The following RSU1 variants were observed in gnomAD, a reference collection of about 807,000 sequenced individuals.
RSU1 encodes Ras suppressor protein 1.
RSU1 carries 26 observed loss-of-function variants against 31.1 expected under a neutral mutation model. The observed-to-expected ratio is 0.84, with a 90% CI of 0.61 to 1.16. The LOEUF (loss-of-function observed/expected upper bound fraction) is 1.16, where lower values mean the gene tolerates loss of function less well. Among genes scored for constraint, RSU1 ranks in the 50% most tolerant of loss-of-function variants. The probability of loss-of-function intolerance (pLI) is 0.00; values close to 1 mark genes in which losing one functional copy is unlikely to be tolerated. For missense variants in RSU1, 320 were observed against 339.1 expected (o/e 0.94, Z 0.44); for synonymous variants, 164 against 136.3 (o/e 1.20, Z -1.41).
intron 2 of RSU1, among the ~76,000 whole-genome samples, chr10:16,811,259 G>T (rs1227509174): frequency 6.6e-6 from 1 of 152,174 alleles, no homozygotes; most frequent in African/African-American, 2.4e-5. Flanking sequence ...CCATCTGGGT[G>T]TGTGTAGGGA....
rs1355003076 is a variant in RSU1, at chr10:16,668,360, G to A, written c.731+26663C>T. On this transcript the variant is annotated intron_variant, in intron 8 of 8. Coordinates refer to ENST00000345264, the MANE Select transcript of RSU1 (RefSeq NM_012425.4). ...GGAAATTAACTGTGCAATGAAGGAC[G>A]ATGAGTATTGTATAGAAGACACGTT... Among the ~76,000 whole-genome samples, 4 of 152,300 alleles carry A rather than the reference G, an allele frequency of 2.6e-5. No homozygotes were observed. In the South Asian group the frequency reaches 6.2e-4, roughly 24 times the overall value.
chr10:16,608,804 A>G (rs1331879492), intron 8 of RSU1, among the ~76,000 whole-genome samples: 2 of 152,082 alleles, frequency 1.3e-5, no homozygotes, highest in Non-Finnish European at 2.9e-5. Context: ...AAATACTTGT[A>G]GCCCTGGGTA....
intron 8 of RSU1, among the ~76,000 whole-genome samples, chr10:16,672,188 T>C (rs866832408): frequency 3.3e-5 from 5 of 149,544 alleles, no homozygotes; most frequent in South Asian, 2.1e-4. Flanking sequence ...CGGGTGCCTG[T>C]AGTCCCAGCT....
chr10:16,797,187 A>C (rs1838055953), intron 2 of RSU1, among the ~76,000 whole-genome samples: 1 of 152,148 alleles, frequency 6.6e-6, no homozygotes, highest in African/African-American at 2.4e-5. Context: ...AAGCTGGATA[A>C]GACAGAAATA....
chr10:16,697,898 C>A (rs146268747), intron 7 of RSU1, among the ~76,000 whole-genome samples: 1 of 148,732 alleles, frequency 6.7e-6, no homozygotes, highest in Non-Finnish European at 1.5e-5. Flanking sequence ...GAATTTTACT[C>A]TGTTGAAGAA....
intron 7 of RSU1, among the ~76,000 whole-genome samples, chr10:16,724,536 G>C (rs1836344069): frequency 6.6e-6 from 1 of 152,226 alleles, no homozygotes; most frequent in African/African-American, 2.4e-5. Context: ...GCTAAGATCT[G>C]AGTGAGAACA....
At chr10:16,627,442 T>C (rs1444590424) in intron 8 of RSU1, among the ~76,000 whole-genome samples, 1 of 152,104 alleles carries the variant, frequency 6.6e-6, no homozygotes, top group Non-Finnish European at 1.5e-5. Context: ...ATCTTTCTCA[T>C]AGAGTGAAGA....
intron 8 of RSU1, 46 bp from the exon 9 acceptor site, chr10:16,593,542 C>A (rs753676643): frequency 2.8e-6 from 4 of 1,442,458 alleles, no homozygotes; most frequent in East Asian, 4.5e-5. Flanking sequence ...TTTGCCAACA[C>A]AAGATAGCTT....
intron 3 of RSU1, among the ~76,000 whole-genome samples, chr10:16,780,891 C>T (rs1837634927): frequency 6.6e-6 from 1 of 152,214 alleles, no homozygotes; most frequent in Non-Finnish European, 1.5e-5. Flanking sequence ...AGTGTGACAA[C>T]TGTGCCGTCA....
At chr10:16,804,038 C>T (rs1178245847) in intron 2 of RSU1, among the ~76,000 whole-genome samples, 1 of 151,952 alleles carries the variant, frequency 6.6e-6, no homozygotes, top group Admixed American at 6.6e-5. Context: ...GAATGAAAGA[C>T]CAGCGCCAAC....
At chr10:16,757,132 C>T (rs1463571788) in intron 4 of RSU1, among the ~76,000 whole-genome samples, 4 of 150,830 alleles carry the variant, frequency 2.7e-5, no homozygotes, top group Non-Finnish European at 5.9e-5. Context: ...TGTGTGTGGG[C>T]GTGTCTCCAG....
rs188279905 is a variant in RSU1, at chr10:16,741,415, T to C, written c.598+11124A>G. On this transcript the variant is annotated intron_variant, in intron 7 of 8. Coordinates refer to ENST00000345264, the MANE Select transcript of RSU1 (RefSeq NM_012425.4). ...GAAAGAAAAGGGTATGGCATTTCAT[T>C]TTGAGGTAACAAACGATGTTCTAAA... Among the ~76,000 whole-genome samples, 342 of 152,306 alleles carry C rather than the reference T, an allele frequency of 2.2e-3. 2 individuals carry two copies. Among genetic ancestry groups the C allele is most frequent in the African/African-American group, 7.3e-3 (303 of 41,572 alleles).
chr10:16,611,310 G>A (rs1380943938), intron 8 of RSU1, among the ~76,000 whole-genome samples: 2 of 152,202 alleles, frequency 1.3e-5, no homozygotes, highest in Middle Eastern at 3.2e-3. Context: ...GTGGCCAGGA[G>A]GAGGGACGTC....
intron 3 of RSU1, chr10:16,767,505 T>G (rs1215759891): frequency 6.6e-6 from 1 of 152,162 alleles, no homozygotes; most frequent in Non-Finnish European, 1.5e-5. Context: ...TCTCCCAGCC[T>G]TTTGGTGAGC....
At chr10:16,803,675 C>T (rs1030763531) in intron 2 of RSU1, among the ~76,000 whole-genome samples, 7 of 152,124 alleles carry the variant, frequency 4.6e-5, no homozygotes, top group African/African-American at 1.7e-4. Context: ...GAAATAGACC[C>T]ACACAAATAT....
intron 2 of RSU1, among the ~76,000 whole-genome samples, chr10:16,789,063 T>C (rs923179686): frequency 3.9e-5 from 6 of 152,200 alleles, no homozygotes; most frequent in African/African-American, 1.2e-4. Context: ...AAAATGTTGC[T>C]CTTCTCAAAA....
At chr10:16,719,436 C>A (rs577911261) in intron 7 of RSU1, among the ~76,000 whole-genome samples, 18 of 152,324 alleles carry the variant, frequency 1.2e-4, no homozygotes, top group African/African-American at 4.1e-4. Context: ...ACACCATGGG[C>A]TGTCGCGCTT....
intron 8 of RSU1, among the ~76,000 whole-genome samples, chr10:16,620,275 G>A (rs1314620243): frequency 1.3e-5 from 2 of 152,148 alleles, no homozygotes. Flanking sequence ...AAAAAATGTA[G>A]GCTGCTGTTG....
intron 7 of RSU1, among the ~76,000 whole-genome samples, chr10:16,722,164 T>G (rs1258333903): frequency 6.6e-6 from 1 of 152,206 alleles, no homozygotes; most frequent in African/African-American, 2.4e-5. Flanking sequence ...TTATTATTGT[T>G]AATCTCTTAC....
Sources: gnomAD v4.1 joint callset for allele counts (sites outside exome capture counted in the v4.1 genomes callset) on GRCh38, gnomAD v4.1.1 for gene constraint, MANE v1.5 for transcripts, NCBI Gene and HGNC (gene_info 2026-07-23, HGNC 2026-07-21) for gene names.